The following PRTFDC1 variants were observed in gnomAD, a reference collection of about 807,000 sequenced individuals.
PRTFDC1 encodes phosphoribosyl transferase domain containing 1, also known as phosphoribosyltransferase domain-containing protein 1.
Under a neutral mutation model 34.6 loss-of-function variants are expected in PRTFDC1, and 38 were observed. That is an observed-to-expected ratio of 1.10 (90% confidence interval 0.85 to 1.44). The LOEUF (loss-of-function observed/expected upper bound fraction) is 1.44. Ranked by LOEUF, PRTFDC1 falls within the 40% of genes most tolerant of loss-of-function variation. PRTFDC1 has a pLI of 0.00. For missense variants in PRTFDC1, 270 were observed against 283.0 expected, an observed-to-expected ratio of 0.95 and a Z score of 0.33; for synonymous variants, 93 against 98.1, an observed-to-expected ratio of 0.95 and a Z score of 0.31.
intron 3 of PRTFDC1, among the ~76,000 whole-genome samples, chr10:24,912,039 C>T (rs549092156): frequency 9.1e-4 from 138 of 151,874 alleles, no homozygotes; most frequent in Middle Eastern, 3.4e-3. Context: ...GAGGCTGAGG[C>T]GGGTGGATCA....
chr10:24,849,758 T>TG lies in PRTFDC1; in HGVS notation c.*85dup, dbSNP rs1565253649. 5.3e-6 allele frequency: 7 copies of TG among 1,330,426 alleles called. No homozygotes were observed. Among genetic ancestry groups the TG allele is most frequent in the South Asian group, 1.2e-5 (1 of 83,398 alleles). 82.4% of individuals were successfully genotyped at this position (1,330,426 alleles called of 1,614,324 possible). ...TTATATCCTGCTGAGTGAAGATGCC[T>TG]GGGGGGACAAACTTGACAGCTGGCT... On this transcript the variant is annotated 3_prime_UTR_variant, in exon 9 of 9. Transcript: ENST00000320152.
chr10:24,940,695 C>G (rs1849140823), intron 2 of PRTFDC1, among the ~76,000 whole-genome samples: 1 of 152,144 alleles, frequency 6.6e-6, no homozygotes, highest in African/African-American at 2.4e-5. Flanking sequence ...AGAAATCCAT[C>G]CAAGAGAAAT....
intron 4 of PRTFDC1, chr10:24,868,113 T>G (rs1588579320): frequency 6.6e-6 from 1 of 152,272 alleles, no homozygotes; most frequent in South Asian, 2.1e-4. Context: ...TTTTTTAAAT[T>G]TATTTGGAGG....
chr10:24,853,587 T>G (rs1279904145), intron 7 of PRTFDC1, among the ~76,000 whole-genome samples: 2 of 151,862 alleles, frequency 1.3e-5, no homozygotes, highest in African/African-American at 2.4e-5. Context: ...GGCGACAGAG[T>G]CAGATTCCGT....
chr10:24,940,026 C>G (rs1252941460), intron 2 of PRTFDC1, among the ~76,000 whole-genome samples: 1 of 152,004 alleles, frequency 6.6e-6, no homozygotes, highest in Non-Finnish European at 1.5e-5. Context: ...ATAACAATTC[C>G]TAATATATAT....
At chr10:24,904,112 G>T (rs1008799008) in intron 3 of PRTFDC1, among the ~76,000 whole-genome samples, 1 of 151,924 alleles carries the variant, frequency 6.6e-6, no homozygotes, top group African/African-American at 2.4e-5. Flanking sequence ...CTTTCTTTGG[G>T]CTAACTAAAC....
At chr10:24,869,587 G>A (rs1847842135) in intron 4 of PRTFDC1, among the ~76,000 whole-genome samples, 1 of 152,176 alleles carries the variant, frequency 6.6e-6, no homozygotes, top group Admixed American at 6.5e-5. Flanking sequence ...GGCTACTTCT[G>A]GTGGTTATTT....
At chr10:24,893,552 C>T (rs760821147) in intron 3 of PRTFDC1, among the ~76,000 whole-genome samples, 3 of 152,144 alleles carry the variant, frequency 2.0e-5, no homozygotes, top group Non-Finnish European at 4.4e-5. Context: ...TCAAGTGATC[C>T]TCCTGCCTTA....
chr10:24,879,192 G>A (rs1333815630), intron 3 of PRTFDC1, among the ~76,000 whole-genome samples: 1 of 152,116 alleles, frequency 6.6e-6, no homozygotes, highest in Non-Finnish European at 1.5e-5. Flanking sequence ...CCAATCACTC[G>A]TTGATGTGAG....
intron 3 of PRTFDC1, among the ~76,000 whole-genome samples, chr10:24,898,714 T>C (rs972761996): frequency 3.9e-5 from 6 of 152,156 alleles, no homozygotes; most frequent in Admixed American, 6.5e-5. Context: ...TGGTCTGGCT[T>C]GGATGACACA....
intron 4 of PRTFDC1, among the ~76,000 whole-genome samples, chr10:24,861,200 C>T (rs1156694709): frequency 3.3e-5 from 5 of 152,106 alleles, no homozygotes; most frequent in Non-Finnish European, 7.3e-5. Context: ...AATGCATACA[C>T]ATGTTTAAAA....
Position 24,872,058 on chromosome 10 carries a change from G to A in PRTFDC1, c.345C>T (p.Asp115=). Reference sequence around the variant, plus strand: ...TTATCTGCATCTCACCCATGGACTGGTCATTCTGCAAAAAAGAAGAAAAAA... The same window carrying A: ...TTATCTGCATCTCACCCATGGACTGATCATTCTGCAAAAAAGAAGAAAAAA... The part of the protein sequence containing the change: ...DFIRLKSYRN[D]QSMGEMQIIG... The change falls in exon 4 of 9, where the codon GAC becomes GAT. Residue 115 remains aspartate (D), a synonymous_variant. Coordinates refer to ENST00000320152, the MANE Select transcript of PRTFDC1 (RefSeq NM_020200.7). The A allele has an allele frequency of 6.2e-7, 1 of 1,608,022 alleles. No individual in the cohort carries two copies. The highest frequency in any genetic ancestry group is 8.5e-7 in the Non-Finnish European group (1 of 1,175,802).
intron 3 of PRTFDC1, among the ~76,000 whole-genome samples, chr10:24,928,584 C>A (rs1033456055): frequency 6.6e-6 from 1 of 152,124 alleles, no homozygotes; most frequent in Non-Finnish European, 1.5e-5. Flanking sequence ...GCTGGGATTA[C>A]ACGTGCCCAC....
intron 3 of PRTFDC1, among the ~76,000 whole-genome samples, chr10:24,901,249 A>G (rs1318912702): frequency 6.6e-6 from 1 of 152,194 alleles, no homozygotes; most frequent in African/African-American, 2.4e-5. Flanking sequence ...TCAATAAGAA[A>G]AAAGGAACTT....
chr10:24,878,651 G>A (rs1473042829), intron 3 of PRTFDC1, among the ~76,000 whole-genome samples: 2 of 152,180 alleles, frequency 1.3e-5, no homozygotes, highest in Non-Finnish European at 2.9e-5. Context: ...CATAGAGCAC[G>A]CCAGATAGCG....
At chr10:24,858,205 C>A (rs964565069) in intron 5 of PRTFDC1, among the ~76,000 whole-genome samples, 187 bp downstream of exon 5, 12 of 152,172 alleles carry the variant, frequency 7.9e-5, no homozygotes, top group African/African-American at 2.4e-5. Flanking sequence ...AATACTGTTG[C>A]AAAGCTTTTA....
chr10:24,857,852 G>A (rs1487256286), intron 5 of PRTFDC1, among the ~76,000 whole-genome samples: 4 of 151,986 alleles, frequency 2.6e-5, no homozygotes, highest in East Asian at 3.8e-4. Flanking sequence ...GGGATCCCAC[G>A]TTCTCTTTTC....
At chr10:24,934,303 T>C (rs1849017162) in intron 3 of PRTFDC1, among the ~76,000 whole-genome samples, 1 of 152,014 alleles carries the variant, frequency 6.6e-6, no homozygotes, top group Non-Finnish European at 1.5e-5. Context: ...GAAGAACTGA[T>C]ACTGTAAACC....
intron 4 of PRTFDC1, among the ~76,000 whole-genome samples, chr10:24,866,450 T>C (rs1847779375): frequency 6.6e-6 from 1 of 151,518 alleles, no homozygotes; most frequent in Admixed American, 6.6e-5. Flanking sequence ...AACCTGCACA[T>C]CTGTGTTTTC....
Sources: gnomAD v4.1 joint callset for allele counts (sites outside exome capture counted in the v4.1 genomes callset) on GRCh38, gnomAD v4.1.1 for gene constraint, MANE v1.5 for transcripts, NCBI Gene and HGNC (gene_info 2026-07-23, HGNC 2026-07-21) for gene names.